ANXA9: variants seen among roughly 807,000 people sequenced by gnomAD.
ANXA9 encodes the protein annexin 31.
A neutral mutation model predicts 51.8 loss-of-function variants in ANXA9; 47 were observed. The observed-to-expected ratio is 0.91, with a 90% CI of 0.72 to 1.16. The LOEUF is 1.16. ANXA9 is among the 50% of genes most tolerant of loss of function. The pLI, the probability that ANXA9 is intolerant of heterozygous loss-of-function variation, is 0.00. For missense variants in ANXA9, 361 were observed against 424.7 expected, an observed-to-expected ratio of 0.85 and a Z score of 1.32; for synonymous variants, 154 against 168.7, an observed-to-expected ratio of 0.91 and a Z score of 0.68.
intron 7 of ANXA9, among the ~76,000 whole-genome samples, chr1:150,985,190 TCACACACACA>T (rs768559320): frequency 1.4e-5 from 2 of 147,046 alleles, no homozygotes; most frequent in African/African-American, 2.5e-5. Context: ...TCTCTCTCTC[TCACACACACA>T]CACACACACA....
At position 150,995,428 on chromosome 1, in the gene ANXA9, G is replaced by A. The variant is rs777241287; in HGVS notation, c.*106G>A. On this transcript the variant is annotated 3_prime_UTR_variant, in exon 14 of 14. Coordinates refer to ENST00000368947, the MANE Select transcript of ANXA9 (RefSeq NM_003568.3). The stretch of plus-strand genomic sequence containing the variant: ...TCCAAGTAGGATAACCCCTCACTGA[G>A]CACCACATTCTCTAGCTTCTTGTTG... 13 of 960,628 alleles carry A rather than the reference G, an allele frequency of 1.4e-5. No individual in the cohort carries two copies. Among genetic ancestry groups the A allele is most frequent in the African/African-American group, 3.4e-5 (2 of 59,138 alleles). The allele number at this position is 960,628 out of a possible 1,614,324, so 59.5% of individuals were successfully genotyped here.
chr1:150,978,890 G>A (rs1012754770), upstream of ANXA9, among the ~76,000 whole-genome samples: 1 of 151,944 alleles, frequency 6.6e-6, no homozygotes, highest in African/African-American at 2.4e-5. Context: ...CTTGAACCAG[G>A]GAGTCGGAGG....
At chr1:150,986,771 C>A in intron 9 of ANXA9, 110 bp downstream of exon 9, 1 of 1,120,162 alleles carries the variant, frequency 8.9e-7, no homozygotes, top group Non-Finnish European at 1.3e-6. Context: ...CAAACCCATC[C>A]CTGCCTTGGA....
In ANXA9 at chr1:150,987,968, C is replaced by G. The variant is rs370813150; in HGVS notation, c.697+12C>G. On this transcript the variant is annotated intron_variant, in intron 10 of 13. Coordinates refer to ENST00000368947, the MANE Select transcript of ANXA9 (RefSeq NM_003568.3). The stretch of plus-strand genomic sequence containing the variant: ...ACACCTCATCCGAGGTACACACAAG[C>G]CTTCTTGTCCCCCTAGCTTGCTCTA... The G allele has an allele frequency of 6.2e-7, 1 of 1,614,010 alleles. No homozygotes were observed. Among genetic ancestry groups the G allele is most frequent in the South Asian group, 1.1e-5 (1 of 91,076 alleles).
At chr1:150,980,826 G>A (rs1280548063), upstream of ANXA9, among the ~76,000 whole-genome samples, 19 of 151,884 alleles carry the variant, frequency 1.3e-4, no homozygotes, top group Admixed American at 1.0e-3. Flanking sequence ...TGATCCACCC[G>A]CCTCGGCCTC....
chr1:150,979,087 G>A, upstream of ANXA9, among the ~76,000 whole-genome samples: 1 of 151,568 alleles, frequency 6.6e-6, no homozygotes, highest in East Asian at 1.9e-4. Flanking sequence ...ACTGCAATCC[G>A]GCCCTGAAGT....
At chr1:150,984,235 C>T in intron 5 of ANXA9, 46 bp from the exon 6 acceptor site, 1 of 1,581,854 alleles carries the variant, frequency 6.3e-7, no homozygotes. Flanking sequence ...TTCTGGGGCC[C>T]TTCCCCTCAC....
At chr1:150,990,629 T>C (rs1385703976) in intron 12 of ANXA9, among the ~76,000 whole-genome samples, 1 of 152,128 alleles carries the variant, frequency 6.6e-6, no homozygotes. Flanking sequence ...GGTGGATTAT[T>C]TGAGGCCAGG....
chr1:150,984,174 A>G, intron 5 of ANXA9, 105 bp downstream of exon 5: 1 of 1,527,502 alleles, frequency 6.5e-7, no homozygotes, highest in Admixed American at 1.8e-5. Flanking sequence ...CTTCCTGGCT[A>G]AACAGGGCCT....
intron 12 of ANXA9, among the ~76,000 whole-genome samples, chr1:150,993,986 T>C (rs1671772035): frequency 1.3e-5 from 2 of 152,154 alleles, no homozygotes; most frequent in South Asian, 4.1e-4. Flanking sequence ...AAAACAGGCC[T>C]GCTGCATGTA....
intron 12 of ANXA9, among the ~76,000 whole-genome samples, chr1:150,988,571 G>A (rs959336448): frequency 2.6e-5 from 4 of 152,204 alleles, no homozygotes; most frequent in African/African-American, 9.7e-5. Context: ...CCTTGTTAAT[G>A]TCTAGGTGGC....
intron 7 of ANXA9, among the ~76,000 whole-genome samples, 154 bp from the exon 8 acceptor site, chr1:150,986,182 G>A (rs76099490): frequency 0.031 from 4,718 of 152,234 alleles, 235 homozygotes; most frequent in African/African-American, 0.1. Context: ...TGGTACTTGT[G>A]CCTTACATCC....
chr1:150,978,920 C>T (rs1457998328), upstream of ANXA9, among the ~76,000 whole-genome samples: 1 of 151,640 alleles, frequency 6.6e-6, no homozygotes, highest in African/African-American at 2.4e-5. Context: ...GCCGAGATCG[C>T]GCCATTGCAC....
chr1:150,995,362 A>T lies in ANXA9; in HGVS notation c.*40A>T. 6.4e-7 allele frequency: 1 copy of T among 1,565,532 alleles called. No individual in the cohort carries two copies. The highest frequency in any genetic ancestry group is 8.7e-7 in the Non-Finnish European group (1 of 1,153,554). ...ACCCCACATGACATCCGAGGATCTGAGATTTCCGTGTTTGGCTGAACCTGG... is the reference window on the plus strand; with the variant it reads ...ACCCCACATGACATCCGAGGATCTGTGATTTCCGTGTTTGGCTGAACCTGG... On this transcript the variant is annotated 3_prime_UTR_variant, in exon 14 of 14. Transcript: ENST00000368947.
intron 12 of ANXA9, among the ~76,000 whole-genome samples, chr1:150,991,841 ACTGCAACCTCTGCCTC>A (rs1428097582): frequency 6.6e-6 from 1 of 150,828 alleles, no homozygotes; most frequent in Non-Finnish European, 1.5e-5. Context: ...ATCTTGGCTC[ACTGCAACCTCTGCCTC>A]CTGGGTTCCA....
intron 4 of ANXA9, 113 bp downstream of exon 4, chr1:150,983,547 T>TACAAGAATGAAGG: frequency 9.5e-7 from 1 of 1,053,514 alleles, no homozygotes; most frequent in Non-Finnish European, 1.4e-6. Context: ...TGGAATGCCT[T>TACAAGAATGAAGG]CATTCTTGTA....
intron 9 of ANXA9, among the ~76,000 whole-genome samples, chr1:150,987,006 C>A (rs1163291586): frequency 6.6e-6 from 1 of 152,072 alleles, no homozygotes; most frequent in African/African-American, 2.4e-5. Context: ...GCTGTAAGGG[C>A]AGAGCCCTCT....
rs769503984 is a variant in ANXA9 at position 150,984,285 on chromosome 1, T to C, written c.272T>C (p.Leu91Pro). The C allele has an allele frequency of 1.9e-6, 3 of 1,613,992 alleles. No homozygotes were observed. The highest frequency in any genetic ancestry group is 1.1e-5 in the South Asian group (1 of 91,082). Reference protein sequence around the residue: ...RNFQERTQQDLMKSLQAALSG... With the variant: ...RNFQERTQQDPMKSLQAALSG... Reference sequence around the variant, plus strand: ...TGTGAGGACCATTTATTGTAGGACCTGATGAAGTCTCTACAGGCAGCACTT... The same window carrying C: ...TGTGAGGACCATTTATTGTAGGACCCGATGAAGTCTCTACAGGCAGCACTT... The change falls in exon 6 of 14, where the codon CTG becomes CCG. Residue 91 changes from leucine (L) to proline (P), a missense_variant. Physicochemically the swap from Leu to Pro is moderately conservative, Grantham distance 98. Transcript: ENST00000368947.
chr1:150,983,445 T>A lies in ANXA9; in HGVS notation c.172+11T>A. 6.2e-7 allele frequency: 1 copy of A among 1,600,374 alleles called. No homozygotes were observed. The highest frequency in any genetic ancestry group is 2.3e-5 in the East Asian group (1 of 44,264). The stretch of plus-strand genomic sequence containing the variant: ...CCATTACTGGCCAAGGTGAGCCCCT[T>A]TCCCCCGGCACTTGAGACTGCCTTT... On this transcript the variant is annotated intron_variant, in intron 4 of 13. Transcript: ENST00000368947.
Sources: allele counts gnomAD v4.1 joint callset (sites outside exome capture counted in the v4.1 genomes callset), GRCh38; gene constraint gnomAD v4.1.1; transcripts MANE v1.5; gene names NCBI Gene and HGNC (gene_info 2026-07-23, HGNC 2026-07-21).